Variants in EIF4G3 observed in about 807,000 individuals in gnomAD.
EIF4G3 encodes the protein eIF-4-gamma 3.
A neutral mutation model predicts 186.4 loss-of-function variants in EIF4G3; 34 were observed. The observed-to-expected ratio is 0.18, with a 90% CI of 0.14 to 0.24. EIF4G3 has a LOEUF of 0.24. Ranked by LOEUF, EIF4G3 falls within the 10% of genes least tolerant of loss-of-function variation. The pLI, the probability that EIF4G3 is intolerant of heterozygous loss-of-function variation, is 1.00. For synonymous variants in EIF4G3, 673 were observed against 679.5 expected, an observed-to-expected ratio of 0.99 and a Z score of 0.15; for missense variants, 1,536 against 1,948.5, an observed-to-expected ratio of 0.79 and a Z score of 3.99.
chr1:21,112,300 T>C (rs1333501284), intron 2 of EIF4G3, among the ~76,000 whole-genome samples: 2 of 152,174 alleles, frequency 1.3e-5, no homozygotes, highest in Non-Finnish European at 2.9e-5. Context: ...CAGTAAGAGT[T>C]GAAAACCATT....
intron 2 of EIF4G3, among the ~76,000 whole-genome samples, chr1:21,151,523 C>A (rs1252376807): frequency 6.6e-6 from 1 of 151,966 alleles, no homozygotes; most frequent in Non-Finnish European, 1.5e-5. Context: ...CAGGCGTGAG[C>A]CACCATGCCC....
At chr1:21,041,568 A>T (rs1309475879) in intron 4 of EIF4G3, among the ~76,000 whole-genome samples, 2 of 152,246 alleles carry the variant, frequency 1.3e-5, no homozygotes, top group African/African-American at 4.8e-5. Flanking sequence ...CATGGTGATT[A>T]AGAGTAGTAA....
At chr1:20,968,901 G>C (rs749012891) in intron 12 of EIF4G3, among the ~76,000 whole-genome samples, 10 of 152,066 alleles carry the variant, frequency 6.6e-5, no homozygotes, top group Non-Finnish European at 1.3e-4. Flanking sequence ...ACTGTGGAGG[G>C]GGCATCTTTG....
At chr1:21,098,272 T>C (rs1336635035) in intron 2 of EIF4G3, among the ~76,000 whole-genome samples, 1 of 152,002 alleles carries the variant, frequency 6.6e-6, no homozygotes, top group East Asian at 1.9e-4. Flanking sequence ...CTGGGCCCAA[T>C]GGGTCATGCC....
intron 14 of EIF4G3, among the ~76,000 whole-genome samples, chr1:20,908,547 C>T (rs2092656690): frequency 6.6e-6 from 1 of 152,040 alleles, no homozygotes; most frequent in South Asian, 2.1e-4. Flanking sequence ...GAAAGGACTT[C>T]ATCTTAAGAT....
At chr1:21,091,620 A>G (rs1254831274) in intron 2 of EIF4G3, among the ~76,000 whole-genome samples, 1 of 152,166 alleles carries the variant, frequency 6.6e-6, no homozygotes, top group Admixed American at 6.6e-5. Context: ...CTTCCTATCT[A>G]TGAGCATGGA....
At chr1:20,980,941 G>T in intron 9 of EIF4G3, 107 bp downstream of exon 9, 3 of 882,478 alleles carry the variant, frequency 3.4e-6, no homozygotes, top group Non-Finnish European at 3.2e-6. Flanking sequence ...CAGTTCACAC[G>T]TCACCGAAAA....
rs184390762 is a variant in EIF4G3, at chr1:20,911,517, T to C, written c.1664-6546A>G. Among the ~76,000 whole-genome samples the C allele has an allele frequency of 1.2e-4, 16 of 128,856 alleles. No homozygotes were observed. The East Asian group carries it at 1.6e-3, about 13-fold the overall frequency. 84.5% of individuals were successfully genotyped at this position (128,856 alleles called of 152,430 possible). On this transcript the variant is annotated intron_variant, in intron 14 of 36. Transcript: ENST00000602326. ...TTGGAGTTGCAGGGAGCTATGACCG[T>C]GCCACTGTACTCTAGCCTGGGTAAC...
intron 31 of EIF4G3, among the ~76,000 whole-genome samples, chr1:20,828,934 A>C (rs571571184): frequency 1.5e-4 from 23 of 152,200 alleles, no homozygotes; most frequent in Non-Finnish European, 2.9e-4. Flanking sequence ...TACCCTCAAC[A>C]GACCACAGGG....
intron 4 of EIF4G3, among the ~76,000 whole-genome samples, chr1:21,049,857 C>A (rs924962531): frequency 6.6e-6 from 1 of 151,982 alleles, no homozygotes; most frequent in Non-Finnish European, 1.5e-5. Flanking sequence ...TGCCACTGTA[C>A]CCCAGCCTTG....
chr1:20,872,113 G>C (rs1283678653), intron 20 of EIF4G3, among the ~76,000 whole-genome samples: 3 of 151,138 alleles, frequency 2.0e-5, no homozygotes, highest in Admixed American at 1.3e-4. Context: ...AAAAAAATCT[G>C]TGTGTGTGTG....
At chr1:20,932,179 A>C (rs991186861) in intron 14 of EIF4G3, among the ~76,000 whole-genome samples, 3 of 152,136 alleles carry the variant, frequency 2.0e-5, no homozygotes, top group Admixed American at 6.5e-5. Flanking sequence ...GCTAGCTTCA[A>C]ACTTTTCTTC....
chr1:21,082,981 T>G (rs1413062889), intron 3 of EIF4G3, among the ~76,000 whole-genome samples: 6 of 127,234 alleles, frequency 4.7e-5, no homozygotes, highest in African/African-American at 1.9e-4. Context: ...GAGCTTGCAG[T>G]GAGCCGAGAT....
chr1:20,839,361 T>C (rs1478651644), intron 30 of EIF4G3, among the ~76,000 whole-genome samples: 2 of 152,124 alleles, frequency 1.3e-5, no homozygotes, highest in African/African-American at 4.8e-5. Flanking sequence ...TCTGCCCACC[T>C]CGGCCTCCCA....
At chr1:20,938,990 C>T (rs1251163114) in intron 14 of EIF4G3, among the ~76,000 whole-genome samples, 1 of 151,858 alleles carries the variant, frequency 6.6e-6, no homozygotes, top group Non-Finnish European at 1.5e-5. Flanking sequence ...GCCTATAATC[C>T]CAGCTACTCA....
intron 3 of EIF4G3, among the ~76,000 whole-genome samples, chr1:21,071,629 G>C (rs1370711890): frequency 6.6e-6 from 1 of 151,928 alleles, no homozygotes; most frequent in African/African-American, 2.4e-5. Flanking sequence ...GTCAGGCATT[G>C]AAGACCAGCT....
At chr1:20,822,893 T>A (rs916489900) in intron 33 of EIF4G3, among the ~76,000 whole-genome samples, 2 of 152,212 alleles carry the variant, frequency 1.3e-5, no homozygotes, top group Admixed American at 1.3e-4. Context: ...GTTAAGTTTC[T>A]CAGTATGCAT....
intron 4 of EIF4G3, among the ~76,000 whole-genome samples, chr1:21,015,659 G>A (rs962628315): frequency 6.8e-6 from 1 of 147,556 alleles, no homozygotes; most frequent in African/African-American, 2.5e-5. Flanking sequence ...AGATCAAACT[G>A]AATCATGACA....
At chr1:21,118,693 G>T (rs1201384964) in intron 2 of EIF4G3, among the ~76,000 whole-genome samples, 2 of 151,748 alleles carry the variant, frequency 1.3e-5, no homozygotes, top group Non-Finnish European at 2.9e-5. Flanking sequence ...GGCTGAGGAA[G>T]GAGAATCACT....
Sources: gnomAD v4.1 joint callset for allele counts (sites outside exome capture counted in the v4.1 genomes callset) on GRCh38, gnomAD v4.1.1 for gene constraint, MANE v1.5 for transcripts, NCBI Gene and HGNC (gene_info 2026-07-23, HGNC 2026-07-21) for gene names.